CDH13: variants seen among roughly 807,000 people sequenced by gnomAD.
CDH13 encodes the protein cadherin-13.
In CDH13, 24 loss-of-function variants were observed where a neutral mutation model predicts 63.8. The ratio of observed to expected loss-of-function variants is 0.38; its 90% CI spans 0.27 to 0.53. The LOEUF (loss-of-function observed/expected upper bound fraction) is 0.53, where lower values mean the gene tolerates loss of function less well. Ranked by LOEUF, CDH13 falls within the 20% of genes least tolerant of loss-of-function variation. The probability of loss-of-function intolerance (pLI) is 0.85; values close to 1 mark genes in which losing one functional copy is unlikely to be tolerated. For missense variants in CDH13, 1,049 were observed against 903.1 expected, an observed-to-expected ratio of 1.16 and a Z score of -2.07; for synonymous variants, 503 against 355.3, an observed-to-expected ratio of 1.42 and a Z score of -4.67.
chr16:82,723,304 G>T (rs186242706), intron 1 of CDH13, among the ~76,000 whole-genome samples: 1 of 152,136 alleles, frequency 6.6e-6, no homozygotes, highest in Admixed American at 6.5e-5. Context: ...TTTGCTTCTT[G>T]TGGGCTTTTG....
At chr16:83,263,296 G>C (rs1422686125) in intron 5 of CDH13, among the ~76,000 whole-genome samples, 1 of 152,172 alleles carries the variant, frequency 6.6e-6, no homozygotes, top group Non-Finnish European at 1.5e-5. Flanking sequence ...TTGTCTGCTT[G>C]CTCCTCAAAC....
intron 4 of CDH13, among the ~76,000 whole-genome samples, chr16:83,212,758 A>T (rs2039377209): frequency 6.6e-6 from 1 of 151,834 alleles, no homozygotes. Flanking sequence ...GGGAGGGGGG[A>T]TTGTTAAAGC....
chr16:83,526,095 A>G (rs943913670), intron 7 of CDH13, among the ~76,000 whole-genome samples: 2 of 152,224 alleles, frequency 1.3e-5, no homozygotes, highest in East Asian at 3.8e-4. Flanking sequence ...TTACAGTAGC[A>G]ATATGAAAGG....
At chr16:82,707,994 G>T (rs1412314201) in intron 1 of CDH13, among the ~76,000 whole-genome samples, 1 of 152,184 alleles carries the variant, frequency 6.6e-6, no homozygotes, top group Non-Finnish European at 1.5e-5. Flanking sequence ...CTGGCAGGCT[G>T]GCTTTGCCCT....
chr16:82,956,652 G>GGTTTTATC (rs765198598), intron 2 of CDH13, among the ~76,000 whole-genome samples: 17 of 152,268 alleles, frequency 1.1e-4, no homozygotes, highest in Non-Finnish European at 2.1e-4. Context: ...TGCCATCTCT[G>GGTTTTATC]GTTTTATCTT....
intron 6 of CDH13, among the ~76,000 whole-genome samples, chr16:83,425,043 G>A (rs1567663609): frequency 6.6e-6 from 1 of 152,200 alleles, no homozygotes; most frequent in Non-Finnish European, 1.5e-5. Context: ...TCCCTTAGTG[G>A]TTCTGGCATG....
At chr16:83,550,813 G>A (rs1028598209) in intron 7 of CDH13, among the ~76,000 whole-genome samples, 1 of 152,124 alleles carries the variant, frequency 6.6e-6, no homozygotes, top group Non-Finnish European at 1.5e-5. Flanking sequence ...TCCTTAGGCT[G>A]TTTTACTTCC....
intron 11 of CDH13, among the ~76,000 whole-genome samples, chr16:83,762,595 C>G (rs575186662): frequency 1.3e-5 from 2 of 152,264 alleles, no homozygotes; most frequent in South Asian, 4.2e-4. Flanking sequence ...GGGCTGAAAA[C>G]TGTCACAGGC....
At chr16:83,462,604 A>C (rs1157465358) in intron 6 of CDH13, among the ~76,000 whole-genome samples, 1 of 152,166 alleles carries the variant, frequency 6.6e-6, no homozygotes, top group Admixed American at 6.5e-5. Context: ...TACAAAAAAA[A>C]TAAATTAGCC....
chr16:82,967,779 G>A (rs1350215420), intron 2 of CDH13, among the ~76,000 whole-genome samples: 1 of 152,202 alleles, frequency 6.6e-6, no homozygotes, highest in Non-Finnish European at 1.5e-5. Flanking sequence ...AGGCTTTTGT[G>A]TCCTTACTGG....
chr16:82,724,072 G>A (rs1349946602), intron 1 of CDH13, among the ~76,000 whole-genome samples: 1 of 152,202 alleles, frequency 6.6e-6, no homozygotes, highest in African/African-American at 2.4e-5. Flanking sequence ...GGGCTTGTCT[G>A]TGGGTCACAG....
intron 1 of CDH13, among the ~76,000 whole-genome samples, chr16:82,636,456 C>T (rs1194223769): frequency 6.6e-6 from 1 of 152,200 alleles, no homozygotes; most frequent in Non-Finnish European, 1.5e-5. Context: ...TACAATTAAC[C>T]AATCTCTGAG....
In CDH13 at chr16:83,038,569, A is replaced by T. The variant is rs187372039; in HGVS notation, c.366+6351A>T. ...ACACACCAAGTTATGTCTGGACAGA[A>T]TCATGACTTTTCCCCACCAAATCTG... On this transcript the variant is annotated intron_variant, in intron 3 of 13. Transcript: ENST00000567109. Among the ~76,000 whole-genome samples the T allele has an allele frequency of 6.3e-4, 96 of 152,300 alleles. 1 individual carries two copies. Among genetic ancestry groups the T allele is most frequent in the Admixed American group, 5.1e-3 (78 of 15,284 alleles).
chr16:82,870,577 G>A (rs7498269), intron 2 of CDH13, among the ~76,000 whole-genome samples: 109,762 of 151,996 alleles, frequency 0.72, 39,840 homozygotes, highest in East Asian at 0.88. Flanking sequence ...ATTTTGTAGC[G>A]TAATAGGGTA....
intron 13 of CDH13, among the ~76,000 whole-genome samples, chr16:83,787,458 G>A (rs1042677854): frequency 7.2e-5 from 11 of 152,186 alleles, no homozygotes; most frequent in African/African-American, 2.7e-4. Flanking sequence ...TACTCCTCCT[G>A]CTGGAGGATC....
At chr16:83,200,538 T>A (rs1362962363) in intron 4 of CDH13, among the ~76,000 whole-genome samples, 1 of 152,212 alleles carries the variant, frequency 6.6e-6, no homozygotes, top group Non-Finnish European at 1.5e-5. Context: ...TATCCATCCC[T>A]GTATCCTTGT....
intron 8 of CDH13, among the ~76,000 whole-genome samples, chr16:83,661,555 G>A (rs945105600): frequency 2.0e-5 from 3 of 151,782 alleles, no homozygotes; most frequent in African/African-American, 7.3e-5. Context: ...TCGTTTTCCT[G>A]TCAGTCTTCA....
chr16:83,583,652 A>T (rs1163511888), intron 7 of CDH13, among the ~76,000 whole-genome samples: 2 of 152,192 alleles, frequency 1.3e-5, no homozygotes, highest in African/African-American at 4.8e-5. Context: ...TCACGCCTAT[A>T]ATCCCAGCAC....
rs111731188 is a variant in CDH13 at position 83,518,303 on chromosome 16, G to A, written c.960+31648G>A. Among the ~76,000 whole-genome samples, 18 of 147,742 alleles carry A rather than the reference G, an allele frequency of 1.2e-4. 1 individual carries two copies. Among genetic ancestry groups the A allele is most frequent in the African/African-American group, 3.8e-4 (15 of 39,996 alleles). ...GGACTACAGGCACATGCCACCACAC[G>A]TGGCTAATTTTTTTGTATTTTTTAG... On this transcript the variant is annotated intron_variant, in intron 7 of 13. Transcript: ENST00000567109.
Sources: gnomAD v4.1 joint callset for allele counts (sites outside exome capture counted in the v4.1 genomes callset) on GRCh38, gnomAD v4.1.1 for gene constraint, MANE v1.5 for transcripts, NCBI Gene and HGNC (gene_info 2026-07-23, HGNC 2026-07-21) for gene names.